SLC8A1: variants seen among roughly 807,000 people sequenced by gnomAD.
The protein encoded by SLC8A1 is sodium/calcium exchanger 1.
Under a neutral mutation model 68.3 loss-of-function variants are expected in SLC8A1, and 18 were observed. The ratio of observed to expected loss-of-function variants is 0.26; its 90% confidence interval spans 0.18 to 0.39. SLC8A1 has a LOEUF of 0.39. Among genes scored for constraint, SLC8A1 ranks in the 10% least tolerant of loss-of-function variants. SLC8A1 has a pLI of 1.00. For missense variants in SLC8A1, 985 were observed against 1,156.7 expected (o/e 0.85, Z 2.15); for synonymous variants, 475 against 415.5 (o/e 1.14, Z -1.74).
intron 1 of SLC8A1, among the ~76,000 whole-genome samples, chr2:40,444,475 A>G (rs946815997): frequency 6.6e-6 from 1 of 152,138 alleles, no homozygotes. Context: ...TCTAAAACAA[A>G]TTCTGTGAAT....
At chr2:40,451,945 A>G (rs1702591922) in exon 1 of SLC8A1, 1 of 151,956 alleles carries the variant, frequency 6.6e-6, no homozygotes, top group Non-Finnish European at 1.5e-5. Context: ...CCGTTCCTCC[A>G]CGCTAGTAGA....
intron 2 of SLC8A1, among the ~76,000 whole-genome samples, chr2:40,286,194 T>C (rs1016579278): frequency 2.0e-5 from 3 of 152,182 alleles, no homozygotes; most frequent in Admixed American, 2.0e-4. Flanking sequence ...AGAGGTGGAC[T>C]CTTTCATTCA....
At chr2:40,417,577 C>T (rs913543942) in intron 2 of SLC8A1, among the ~76,000 whole-genome samples, 5 of 152,084 alleles carry the variant, frequency 3.3e-5, no homozygotes, top group Non-Finnish European at 5.9e-5. Flanking sequence ...GGTGTGATCA[C>T]AGCTCACTGC....
At chr2:40,225,684 A>AT (rs1020191620) in intron 2 of SLC8A1, among the ~76,000 whole-genome samples, 54 of 152,082 alleles carry the variant, frequency 3.6e-4, no homozygotes, top group African/African-American at 1.3e-3. Context: ...TAAATCCTTT[A>AT]TTTTTTCTTA....
At chr2:40,125,431 G>A (rs924259793) in intron 7 of SLC8A1, among the ~76,000 whole-genome samples, 15 of 152,150 alleles carry the variant, frequency 9.9e-5, no homozygotes, top group African/African-American at 3.6e-4. Flanking sequence ...ATGAAAGTTT[G>A]CCCAGGACCA....
intron 6 of SLC8A1, among the ~76,000 whole-genome samples, chr2:40,151,327 G>T (rs576781807): frequency 6.6e-6 from 1 of 152,164 alleles, no homozygotes; most frequent in African/African-American, 2.4e-5. Flanking sequence ...GACACAGTAT[G>T]ATGATGTCTT....
At chr2:40,233,140 T>C (rs2059906688) in intron 2 of SLC8A1, among the ~76,000 whole-genome samples, 1 of 152,078 alleles carries the variant, frequency 6.6e-6, no homozygotes, top group African/African-American at 2.4e-5. Context: ...GGTCAAATGG[T>C]GTTTCCAGTT....
intron 2 of SLC8A1, among the ~76,000 whole-genome samples, chr2:40,179,180 C>T (rs113779823): frequency 9.7e-4 from 148 of 152,256 alleles, no homozygotes; most frequent in African/African-American, 2.7e-3. Context: ...AAGCTGTGGC[C>T]TCACAACAGC....
intron 2 of SLC8A1, among the ~76,000 whole-genome samples, chr2:40,276,756 A>G (rs979050209): frequency 2.6e-5 from 4 of 152,208 alleles, no homozygotes; most frequent in Non-Finnish European, 5.9e-5. Flanking sequence ...TTTTTATTGG[A>G]CATTTTTATT....
rs542749009 is a variant in SLC8A1, at chr2:40,138,997, A to T, written c.2437+404T>A. Among the ~76,000 whole-genome samples the T allele has an allele frequency of 1.5e-4, 23 of 152,324 alleles. No homozygotes were observed. The South Asian group carries it at 3.5e-3, about 23-fold the overall frequency. On this transcript the variant is annotated intron_variant, in intron 7 of 7. Coordinates refer to ENST00000406785, the Ensembl canonical transcript of SLC8A1. ...CGTTTTCCTAGTTACCTAAATGAAT[A>T]CAGTTTCATAGAGATCATTAAAATG...
chr2:40,500,229 G>A (rs1453006255), intron 1 of SLC8A1, among the ~76,000 whole-genome samples: 2 of 152,006 alleles, frequency 1.3e-5, no homozygotes, highest in African/African-American at 2.4e-5. Flanking sequence ...AAATTTCTGG[G>A]TCAGATCTTT....
chr2:40,505,700 A>G (rs1022142520), intron 1 of SLC8A1, among the ~76,000 whole-genome samples: 3 of 151,954 alleles, frequency 2.0e-5, no homozygotes, highest in Non-Finnish European at 4.4e-5. Context: ...CAATAACAAT[A>G]TTCAGAAGAC....
intron 1 of SLC8A1, among the ~76,000 whole-genome samples, chr2:40,496,752 G>A (rs781520475): frequency 8.6e-5 from 13 of 151,894 alleles, no homozygotes; most frequent in Non-Finnish European, 1.6e-4. Flanking sequence ...CCTTCAAAAT[G>A]TGCATGAGTA....
intron 2 of SLC8A1, among the ~76,000 whole-genome samples, chr2:40,305,741 C>A (rs2149284017): frequency 6.6e-6 from 1 of 152,264 alleles, no homozygotes; most frequent in South Asian, 2.1e-4. Context: ...CTTTCATGGA[C>A]ATGTTTGCCA....
chr2:40,163,728 A>C (rs528997075), intron 5 of SLC8A1, among the ~76,000 whole-genome samples: 1 of 152,326 alleles, frequency 6.6e-6, no homozygotes, highest in Non-Finnish European at 1.5e-5. Context: ...AAGAGTTAAC[A>C]GACAGATTCT....
At chr2:40,296,266 C>T (rs1367152989) in intron 2 of SLC8A1, among the ~76,000 whole-genome samples, 5 of 152,018 alleles carry the variant, frequency 3.3e-5, no homozygotes, top group African/African-American at 9.7e-5. Flanking sequence ...ACTAGGAGAC[C>T]CCAAGAGGGA....
chr2:40,346,533 TG>T lies in SLC8A1; in HGVS notation c.1808+81939del, dbSNP rs1669367635. Among the ~76,000 whole-genome samples the T allele has an allele frequency of 3.3e-5, 5 of 152,296 alleles. No individual in the cohort carries two copies. In the South Asian group the frequency reaches 1.0e-3, roughly 32 times the overall value. On this transcript the variant is annotated intron_variant, in intron 2 of 7. Coordinates refer to ENST00000406785, the Ensembl canonical transcript of SLC8A1. ...GACCATGCCGCCGTCAGAGTTATTT[TG>T]ACCCTCTCTGGGAAGACAGCAAGCC...
At chr2:40,315,889 T>C (rs369037191) in intron 2 of SLC8A1, among the ~76,000 whole-genome samples, 2 of 152,056 alleles carry the variant, frequency 1.3e-5, no homozygotes, top group African/African-American at 2.4e-5. Flanking sequence ...AGAACATTTG[T>C]CACTGGTATG....
At chr2:40,156,096 T>C (rs2044416231) in intron 6 of SLC8A1, among the ~76,000 whole-genome samples, 1 of 152,196 alleles carries the variant, frequency 6.6e-6, no homozygotes, top group Non-Finnish European at 1.5e-5. Flanking sequence ...GTGCTGAATA[T>C]TTAGTTTAGG....
Sources: gnomAD v4.1 joint callset for allele counts (sites outside exome capture counted in the v4.1 genomes callset) on GRCh38, gnomAD v4.1.1 for gene constraint, MANE v1.5 for transcripts, NCBI Gene and HGNC (gene_info 2026-07-23, HGNC 2026-07-21) for gene names.